CCDC7: variants seen among roughly 807,000 people sequenced by gnomAD.
CCDC7 encodes the protein coiled-coil domain-containing protein 7.
Under a neutral mutation model 196.9 loss-of-function variants are expected in CCDC7, and 183 were observed. That is an observed-to-expected ratio of 0.93 (90% CI 0.82 to 1.05). The LOEUF (loss-of-function observed/expected upper bound fraction) is 1.05, where lower values mean the gene tolerates loss of function less well. Among genes scored for constraint, CCDC7 ranks in the 50% least tolerant of loss-of-function variants. CCDC7 has a pLI of 0.00. For synonymous variants in CCDC7, 525 were observed against 484.6 expected (o/e 1.08, Z -1.10); for missense variants, 1,540 against 1,482.2 (o/e 1.04, Z -0.64).
chr10:32,845,818 CAG>C, intron 35 of CCDC7, 56 bp from the exon 37 acceptor site: 2 of 1,327,274 alleles, frequency 1.5e-6, no homozygotes, highest in Non-Finnish European at 2.2e-6. Flanking sequence ...CAGATACACA[CAG>C]AGGTATGGTA....
chr10:32,786,639 T>C (rs909162898), intron 29 of CCDC7, among the ~76,000 whole-genome samples: 3 of 152,148 alleles, frequency 2.0e-5, no homozygotes, highest in Non-Finnish European at 2.9e-5. Flanking sequence ...TGCACACCTG[T>C]AATCCCAGCT....
At chr10:32,747,642 A>G (rs546259792) in intron 28 of CCDC7, among the ~76,000 whole-genome samples, 2 of 152,324 alleles carry the variant, frequency 1.3e-5, no homozygotes, top group East Asian at 3.9e-4. Context: ...GAGAAATTCA[A>G]ATCAAAACCA....
At chr10:32,657,325 A>T (rs868796922) in intron 20 of CCDC7, among the ~76,000 whole-genome samples, 23 of 152,352 alleles carry the variant, frequency 1.5e-4, no homozygotes, top group Middle Eastern at 3.4e-3. Context: ...GCCCTAGCAG[A>T]GGTTCTCCGT....
exon 19 of CCDC7, chr10:32,634,301 T>G: frequency 8.2e-7 from 1 of 1,220,218 alleles, no homozygotes; most frequent in Non-Finnish European, 1.0e-6. Flanking sequence ...AAATAAAGAT[T>G]CAGTAACAAA....
chr10:32,666,826 C>T (rs968174256), intron 21 of CCDC7, among the ~76,000 whole-genome samples: 1 of 152,078 alleles, frequency 6.6e-6, no homozygotes, highest in African/African-American at 2.4e-5. Flanking sequence ...AATAGTGCCA[C>T]AATAAACATA....
chr10:32,568,030 T>G, intron 15 of CCDC7, 139 bp downstream of exon 16: 1 of 836,770 alleles, frequency 1.2e-6, no homozygotes, highest in Non-Finnish European at 1.7e-6. Context: ...TTTTTTGAGA[T>G]GGAGTCTTGC....
At chr10:32,763,779 A>T (rs1235845943) in intron 28 of CCDC7, among the ~76,000 whole-genome samples, 1 of 151,778 alleles carries the variant, frequency 6.6e-6, no homozygotes, top group Admixed American at 6.6e-5. Context: ...AGTCATATTC[A>T]TAGAAGTGGA....
chr10:32,704,619 G>GAGGC (rs1425010558), intron 24 of CCDC7, among the ~76,000 whole-genome samples: 1 of 152,098 alleles, frequency 6.6e-6, no homozygotes, highest in African/African-American at 2.4e-5. Flanking sequence ...GGATTCTACT[G>GAGGC]AGGCAGGCAG....
rs779341941 is a variant in CCDC7, at chr10:32,633,696, A to ATATATATG, written c.1802-557_1802-556insATATATGT. Among the ~76,000 whole-genome samples the ATATATATG allele has an allele frequency of 8.1e-3, 1,099 of 135,192 alleles. 12 individuals are homozygous for ATATATATG. Among genetic ancestry groups the ATATATATG allele is most frequent in the African/African-American group, 0.025 (902 of 35,846 alleles). The allele number at this position is 135,192 out of a possible 152,430, so 88.7% of individuals were successfully genotyped here. A position where few individuals can be genotyped will look rare whatever the true frequency, so the allele number is the denominator to read the frequency against. ...TTTAGCTTTGTGTATATATATATATATGTGTGTGTGTGTGTGTGTGTGTGT... is the reference window on the plus strand; with the variant it reads ...TTTAGCTTTGTGTATATATATATATATATATATGTGTGTGTGTGTGTGTGTGTGTGTGT... On this transcript the variant is annotated intron_variant, in intron 18 of 41. Coordinates refer to ENST00000639629, the Ensembl canonical transcript of CCDC7.
chr10:32,809,436 A>G (rs1337094391), intron 30 of CCDC7, among the ~76,000 whole-genome samples: 1 of 152,178 alleles, frequency 6.6e-6, no homozygotes, highest in African/African-American at 2.4e-5. Flanking sequence ...TTAATAAAAC[A>G]AAAAATACAT....
At chr10:32,679,478 T>C (rs1284544218) in intron 21 of CCDC7, among the ~76,000 whole-genome samples, 1 of 152,202 alleles carries the variant, frequency 6.6e-6, no homozygotes, top group Admixed American at 6.5e-5. Context: ...AACCCCATAG[T>C]TGGATGGCAT....
chr10:32,847,434 A>G (rs2093347999), intron 37 of CCDC7, among the ~76,000 whole-genome samples: 1 of 152,222 alleles, frequency 6.6e-6, no homozygotes, highest in Non-Finnish European at 1.5e-5. Flanking sequence ...AGCACTTATT[A>G]TAAGTGTGTT....
Position 32,857,815 on chromosome 10 carries a change from GA to G in CCDC7, c.4111+3335del, listed in dbSNP as rs201564004. Among the ~76,000 whole-genome samples, 1,220 of 146,156 alleles carry G rather than the reference GA, an allele frequency of 8.3e-3. 7 individuals are homozygous for G. Among genetic ancestry groups the G allele is most frequent in the Middle Eastern group, 0.021 (6 of 290 alleles). ...TCGAATAGAGAATAGAAAAACTATA[GA>G]AAAAAAAATCAATAAAACCAAGAGT... On this transcript the variant is annotated intron_variant, in intron 41 of 41. Coordinates refer to ENST00000639629, the Ensembl canonical transcript of CCDC7.
chr10:32,515,475 CTT>C (rs1356402699), intron 9 of CCDC7, among the ~76,000 whole-genome samples: 1 of 152,140 alleles, frequency 6.6e-6, no homozygotes, highest in African/African-American at 2.4e-5. Context: ...AAAGAAAAGT[CTT>C]TTTAATAAAT....
chr10:32,499,382 G>A (rs1361924132), intron 9 of CCDC7: 1 of 152,086 alleles, frequency 6.6e-6, no homozygotes, highest in Non-Finnish European at 1.5e-5. Context: ...ATCAGAAGGA[G>A]TTTTGTTTTC....
chr10:32,647,380 G>A (rs1226904764), intron 20 of CCDC7, among the ~76,000 whole-genome samples: 5 of 152,142 alleles, frequency 3.3e-5, no homozygotes, highest in Non-Finnish European at 7.4e-5. Flanking sequence ...GTAGAAGCAC[G>A]TACCTGTAAT....
rs1282568282 is a variant in CCDC7, at chr10:32,456,173, A to C, written c.373-78A>C. On this transcript the variant is annotated intron_variant, in intron 2 of 41. Transcript: ENST00000639629. ...TACACAAAATTAAAATTTTTCAAAA[A>C]GTAAATATGCTAGAAAAAGACAGAC... is the stretch of plus-strand genomic sequence containing the variant. 3 of 1,308,994 alleles carry C rather than the reference A, an allele frequency of 2.3e-6. No homozygotes were observed. The Admixed American group carries it at 8.7e-5, about 38-fold the overall frequency. 81.1% of individuals were successfully genotyped at this position (1,308,994 alleles called of 1,614,324 possible).
chr10:32,792,195 C>T (rs748142991), intron 29 of CCDC7, among the ~76,000 whole-genome samples: 5 of 152,066 alleles, frequency 3.3e-5, no homozygotes, highest in Non-Finnish European at 7.4e-5. Context: ...AAGAAATGCT[C>T]AAGGGATTTC....
At chr10:32,574,344 A>G (rs946350640) in intron 16 of CCDC7, 4 of 839,758 alleles carry the variant, frequency 4.8e-6, no homozygotes, top group Non-Finnish European at 6.5e-6. Context: ...ATATTATATT[A>G]TGTTGCTAAA....
Sources: gnomAD v4.1 joint callset for allele counts (sites outside exome capture counted in the v4.1 genomes callset) on GRCh38, gnomAD v4.1.1 for gene constraint, MANE v1.5 for transcripts, NCBI Gene and HGNC (gene_info 2026-07-23, HGNC 2026-07-21) for gene names.